The following MACROD2 variants were observed in gnomAD, a reference collection of about 807,000 sequenced individuals.
The protein encoded by MACROD2 is ADP-ribose glycohydrolase MACROD2.
MACROD2 carries 36 observed loss-of-function variants against 70.4 expected under a neutral mutation model. That is an observed-to-expected ratio of 0.51 (90% confidence interval 0.39 to 0.68). The LOEUF is 0.68. Ranked by LOEUF, MACROD2 falls within the 30% of genes least tolerant of loss-of-function variation. MACROD2 has a pLI of 0.00. For missense variants in MACROD2, 496 were observed against 538.4 expected (o/e 0.92, Z 0.78); for synonymous variants, 172 against 178.8 (o/e 0.96, Z 0.30).
chr20:15,632,080 A>C lies in MACROD2; in HGVS notation c.645+132233A>C, dbSNP rs111719334. Among the ~76,000 whole-genome samples, 167 of 152,266 alleles carry C rather than the reference A, an allele frequency of 1.1e-3. 1 individual carries two copies. The highest frequency in any genetic ancestry group is 3.9e-3 in the African/African-American group (164 of 41,558). Reference sequence around the variant, plus strand: ...CTTGAGCCTGGGAGGTGGAGGTTGCACTGAGCTGAGATCGTGCCATTGCAC... The same window carrying C: ...CTTGAGCCTGGGAGGTGGAGGTTGCCCTGAGCTGAGATCGTGCCATTGCAC... On this transcript the variant is annotated intron_variant, in intron 8 of 17. Transcript: ENST00000684519.
intron 6 of MACROD2, among the ~76,000 whole-genome samples, chr20:15,314,993 A>G (rs2077793548): frequency 6.6e-6 from 1 of 152,244 alleles, no homozygotes; most frequent in South Asian, 2.1e-4. Context: ...AGCATGGCTA[A>G]GCAATCAAGG....
intron 8 of MACROD2, among the ~76,000 whole-genome samples, chr20:15,778,810 A>G (rs1031830344): frequency 1.3e-5 from 2 of 152,124 alleles, no homozygotes; most frequent in Non-Finnish European, 2.9e-5. Flanking sequence ...TTCAACAAGC[A>G]CTTCCAGTCA....
chr20:16,012,136 G>A (rs1448442418), intron 15 of MACROD2, among the ~76,000 whole-genome samples: 2 of 152,168 alleles, frequency 1.3e-5, no homozygotes, highest in African/African-American at 4.8e-5. Context: ...AGCTGGGGAG[G>A]GGTCACTCTC....
chr20:14,273,483 A>G (rs370283166), intron 3 of MACROD2, among the ~76,000 whole-genome samples: 104 of 148,438 alleles, frequency 7.0e-4, no homozygotes, highest in African/African-American at 2.3e-3. Flanking sequence ...TCTCTGGGAC[A>G]CATTCAAAGC....
intron 6 of MACROD2, among the ~76,000 whole-genome samples, chr20:15,321,608 C>T (rs1383145001): frequency 6.9e-6 from 1 of 144,442 alleles, no homozygotes; most frequent in African/African-American, 2.5e-5. Context: ...GAATGTTAAT[C>T]AGACTAATTG....
intron 8 of MACROD2, among the ~76,000 whole-genome samples, chr20:15,735,753 T>A (rs1235663761): frequency 2.0e-5 from 3 of 152,200 alleles, no homozygotes; most frequent in Admixed American, 2.0e-4. Flanking sequence ...GCTACAGAGA[T>A]AACTTGAGGA....
intron 5 of MACROD2, among the ~76,000 whole-genome samples, chr20:14,866,674 G>T (rs992921972): frequency 2.6e-5 from 4 of 151,996 alleles, no homozygotes; most frequent in African/African-American, 7.2e-5. Flanking sequence ...TACATATTGG[G>T]CTTTTTAATT....
chr20:14,513,953 C>T (rs1388707294), intron 4 of MACROD2, among the ~76,000 whole-genome samples: 1 of 152,034 alleles, frequency 6.6e-6, no homozygotes, highest in African/African-American at 2.4e-5. Flanking sequence ...AAATGCTATG[C>T]TATCTTTTTA....
chr20:14,442,200 G>C (rs1434009677), intron 3 of MACROD2, among the ~76,000 whole-genome samples: 3 of 152,050 alleles, frequency 2.0e-5, no homozygotes, highest in African/African-American at 7.3e-5. Flanking sequence ...AACCCAGGAG[G>C]TGGAGGTTGC....
chr20:14,807,043 CT>C (rs2122159937), intron 5 of MACROD2, among the ~76,000 whole-genome samples: 1 of 152,270 alleles, frequency 6.6e-6, no homozygotes, highest in South Asian at 2.1e-4. Flanking sequence ...TCCTTCCTGC[CT>C]GCTCTGAAGA....
At chr20:14,666,870 C>T (rs1030645244) in intron 4 of MACROD2, among the ~76,000 whole-genome samples, 4 of 151,762 alleles carry the variant, frequency 2.6e-5, no homozygotes, top group Non-Finnish European at 4.4e-5. Context: ...AGCTTTTTAT[C>T]GCATTATAAC....
intron 3 of MACROD2, among the ~76,000 whole-genome samples, chr20:14,131,487 G>C (rs980639969): frequency 6.6e-6 from 1 of 152,108 alleles, no homozygotes; most frequent in Non-Finnish European, 1.5e-5. Context: ...ACAAGAAGTG[G>C]TACAATTGTC....
At chr20:15,206,983 G>A (rs1374147810) in intron 5 of MACROD2, among the ~76,000 whole-genome samples, 2 of 151,540 alleles carry the variant, frequency 1.3e-5, no homozygotes, top group African/African-American at 4.9e-5. Context: ...TGATCCACCC[G>A]CCTCGGCCTC....
At chr20:15,220,286 C>T (rs2076848048) in intron 5 of MACROD2, among the ~76,000 whole-genome samples, 2 of 152,138 alleles carry the variant, frequency 1.3e-5, no homozygotes, top group Admixed American at 6.5e-5. Context: ...TTGATTATAT[C>T]GGGCCAACTT....
intron 10 of MACROD2, among the ~76,000 whole-genome samples, chr20:15,918,085 G>T (rs767484372): frequency 6.6e-6 from 1 of 152,148 alleles, no homozygotes; most frequent in Non-Finnish European, 1.5e-5. Flanking sequence ...AATGAATCAG[G>T]TATAAACCTC....
chr20:15,875,351 C>T (rs984895254), intron 9 of MACROD2, among the ~76,000 whole-genome samples: 1 of 151,996 alleles, frequency 6.6e-6, no homozygotes, highest in African/African-American at 2.4e-5. Context: ...TAGAGAAAAA[C>T]TAGAGTAAAA....
chr20:15,101,720 C>T (rs1437957441), intron 5 of MACROD2, among the ~76,000 whole-genome samples: 4 of 151,520 alleles, frequency 2.6e-5, no homozygotes, highest in Non-Finnish European at 1.5e-5. Flanking sequence ...TTTCAGAATA[C>T]GAATTATAGA....
Position 15,047,285 on chromosome 20 carries a change from C to T in MACROD2, c.419-182655C>T, listed in dbSNP as rs555916859. On this transcript the variant is annotated intron_variant, in intron 5 of 17. Transcript: ENST00000684519. ...TGTGCTATCTACAGGCTGCAGCTGG[C>T]GTTTCCTTCTGTTAATATTCTGTAC... 7.4e-4 allele frequency among the ~76,000 whole-genome samples: 112 copies of T among 152,226 alleles called. 1 individual carries two copies. The highest frequency in any genetic ancestry group is 1.4e-3 in the Non-Finnish European group (96 of 68,016).
intron 5 of MACROD2, among the ~76,000 whole-genome samples, chr20:15,077,610 T>C (rs8116833): frequency 0.014 from 2,115 of 152,294 alleles, 69 homozygotes; most frequent in African/African-American, 0.048. Context: ...CAAGAATGGC[T>C]GATTTCCTCC....
Sources: allele counts gnomAD v4.1 joint callset (sites outside exome capture counted in the v4.1 genomes callset), GRCh38; gene constraint gnomAD v4.1.1; transcripts MANE v1.5; gene names NCBI Gene and HGNC (gene_info 2026-07-23, HGNC 2026-07-21).